Variants in STAT5B observed in about 807,000 individuals in gnomAD.
STAT5B encodes transcription factor STAT5B.
Under a neutral mutation model 107.8 loss-of-function variants are expected in STAT5B, and 21 were observed. That is an observed-to-expected ratio of 0.19 (90% CI 0.14 to 0.28). The LOEUF is 0.28. Among genes scored for constraint, STAT5B ranks in the 10% least tolerant of loss-of-function variants. The pLI, the probability that STAT5B is intolerant of heterozygous loss-of-function variation, is 1.00. For synonymous variants in STAT5B, 325 were observed against 401.7 expected (o/e 0.81, Z 2.28); for missense variants, 565 against 1,008.2 (o/e 0.56, Z 5.95).
intron 11 of STAT5B, among the ~76,000 whole-genome samples, chr17:42,216,605 T>C (rs1009607284): frequency 1.2e-4 from 19 of 152,124 alleles, no homozygotes; most frequent in African/African-American, 4.1e-4. Context: ...CTGGAACTCC[T>C]GAACTCAAGC....
intron 1 of STAT5B, chr17:42,234,249 G>C (rs930654199): frequency 6.6e-6 from 1 of 152,216 alleles, no homozygotes; most frequent in Non-Finnish European, 1.5e-5. Flanking sequence ...AGCCAACAAT[G>C]AGGTGTAGGG....
In STAT5B at chr17:42,217,298, A is replaced by G. The variant is rs1178936005; in HGVS notation, c.1258-16T>C. The G allele has an allele frequency of 8.1e-6, 13 of 1,614,120 alleles. No individual in the cohort carries two copies. The highest frequency in any genetic ancestry group is 1.0e-5 in the Non-Finnish European group (12 of 1,180,048). On this transcript the variant is annotated splice_polypyrimidine_tract_variant and intron_variant, in intron 10 of 18. Transcript: ENST00000293328. ...GTTTCAGGGACTACAAAGAAGAAAC[A>G]TAAGATGAAACGTAAGATATAAGTT...
chr17:42,229,403 G>A (rs1304561620), intron 2 of STAT5B, among the ~76,000 whole-genome samples: 1 of 151,686 alleles, frequency 6.6e-6, no homozygotes, highest in Non-Finnish European at 1.5e-5. Context: ...ACCCACCTCA[G>A]CCTCCCAAAG....
chr17:42,265,377 CTTTT>C (rs371149930), intron 1 of STAT5B, among the ~76,000 whole-genome samples: 2 of 110,596 alleles, frequency 1.8e-5, no homozygotes, highest in African/African-American at 7.2e-5. Flanking sequence ...ATGTACTCTT[CTTTT>C]TTTTTTTTGA....
At chr17:42,228,993 A>C (rs2144287002) in intron 2 of STAT5B, among the ~76,000 whole-genome samples, 1 of 152,204 alleles carries the variant, frequency 6.6e-6, no homozygotes, top group Middle Eastern at 3.4e-3. Context: ...CAAATAGTAC[A>C]CCCCAATCTG....
At chr17:42,222,031 G>T (rs1347611720) in intron 5 of STAT5B, among the ~76,000 whole-genome samples, 3 of 139,888 alleles carry the variant, frequency 2.1e-5, no homozygotes, top group African/African-American at 8.0e-5. Context: ...GGTGTGTGTG[G>T]TGTGGTGTGT....
rs928501659 is a variant in STAT5B at position 42,252,660 on chromosome 17, G to A, written c.-10-20523C>T. Among the ~76,000 whole-genome samples the A allele has an allele frequency of 1.2e-4, 18 of 152,164 alleles. No individual in the cohort carries two copies. The East Asian group carries it at 1.7e-3, about 15-fold the overall frequency. ...TCTGAATCCTTATTACAGGAATAAT[G>A]GGAGTGAATCACACTTTATAGAAAC... On this transcript the variant is annotated intron_variant, in intron 1 of 18. Coordinates refer to ENST00000293328, the MANE Select transcript of STAT5B (RefSeq NM_012448.4).
intron 17 of STAT5B, 127 bp downstream of exon 17, chr17:42,202,630 G>C (rs2080054613): frequency 6.4e-7 from 1 of 1,551,356 alleles, no homozygotes; most frequent in African/African-American, 1.4e-5. Context: ...CCAAGCCCAG[G>C]TCCTTCCCCA....
At chr17:42,209,030 G>A (rs1268776771) in intron 15 of STAT5B, among the ~76,000 whole-genome samples, 5 of 144,902 alleles carry the variant, frequency 3.5e-5, no homozygotes, top group Admixed American at 2.8e-4. Context: ...ACCGCACCCA[G>A]CCTTTTTTTT....
At position 42,260,551 on chromosome 17, in the gene STAT5B, G is replaced by A. The variant is rs2080586023; in HGVS notation, c.-11+15697C>T. On this transcript the variant is annotated intron_variant, in intron 1 of 18. Coordinates refer to ENST00000293328, the MANE Select transcript of STAT5B (RefSeq NM_012448.4). ...GGCCTCCCAAGTAGCTGGGACTATAGGTGCACATCACCATGCCTAGCTAAT... is the reference window on the plus strand; with the variant it reads ...GGCCTCCCAAGTAGCTGGGACTATAAGTGCACATCACCATGCCTAGCTAAT... 2.0e-5 allele frequency among the ~76,000 whole-genome samples: 3 copies of A among 151,874 alleles called. No homozygotes were observed. In the South Asian group the frequency reaches 6.2e-4, roughly 32 times the overall value.
intron 16 of STAT5B, among the ~76,000 whole-genome samples, chr17:42,203,646 T>C (rs933444806): frequency 7.2e-5 from 11 of 152,096 alleles, no homozygotes; most frequent in Non-Finnish European, 1.5e-4. Flanking sequence ...TTTTCTTTTT[T>C]GACAGAGTCT....
At position 42,217,287 on chromosome 17, in the gene STAT5B, AAAGAAGAAACAT is replaced by A. The variant is rs1197864899; in HGVS notation, c.1258-17_1258-6del. On this transcript the variant is annotated splice_polypyrimidine_tract_variant and splice_region_variant and intron_variant, in intron 10 of 18. Coordinates refer to ENST00000293328, the MANE Select transcript of STAT5B (RefSeq NM_012448.4). ...CCTCTTAATTCGTTTCAGGGACTAC[AAAGAAGAAACAT>A]AAGATGAAACGTAAGATATAAGTTG... 1.9e-6 allele frequency: 3 copies of A among 1,614,102 alleles called. No homozygotes were observed. Among genetic ancestry groups the A allele is most frequent in the Non-Finnish European group, 2.5e-6 (3 of 1,180,052 alleles).
At chr17:42,203,194 G>GC (rs1272094196) in intron 16 of STAT5B, among the ~76,000 whole-genome samples, 1 of 151,956 alleles carries the variant, frequency 6.6e-6, no homozygotes, top group Admixed American at 6.6e-5. Flanking sequence ...GCCCACCTTG[G>GC]CCCCCCAAGG....
At position 42,218,334 on chromosome 17, in the gene STAT5B, C is replaced by T. The variant is rs1240229520; in HGVS notation, c.990-4G>A. 20 of 1,612,002 alleles carry T rather than the reference C, an allele frequency of 1.2e-5. No homozygotes were observed. The highest frequency in any genetic ancestry group is 1.7e-5 in the Non-Finnish European group (20 of 1,179,078). On this transcript the variant is annotated splice_region_variant and splice_polypyrimidine_tract_variant and intron_variant, in intron 8 of 18. Coordinates refer to ENST00000293328, the MANE Select transcript of STAT5B (RefSeq NM_012448.4). ...CTGCTTCTCAATGATGAACGTGCTGCAGGGGACACAGGGACAGATGCATGA... is the reference window on the plus strand; with the variant it reads ...CTGCTTCTCAATGATGAACGTGCTGTAGGGGACACAGGGACAGATGCATGA...
chr17:42,203,640 C>CT (rs1296863032), intron 16 of STAT5B, among the ~76,000 whole-genome samples: 2 of 151,290 alleles, frequency 1.3e-5, no homozygotes, highest in Non-Finnish European at 3.0e-5. Context: ...TCTTTTTTTT[C>CT]TTTTTTGACA....
intron 17 of STAT5B, 56 bp from the exon 18 acceptor site, chr17:42,202,503 T>G: frequency 6.3e-7 from 1 of 1,594,250 alleles, no homozygotes; most frequent in Non-Finnish European, 8.6e-7. Context: ...GCAGCTGACT[T>G]GGGGAGGGGA....
chr17:42,245,199 T>C (rs1170613780), intron 1 of STAT5B, among the ~76,000 whole-genome samples: 4 of 149,610 alleles, frequency 2.7e-5, no homozygotes, highest in Admixed American at 2.0e-4. Context: ...TGCCTCAGCC[T>C]CCCGAATAGC....
intron 1 of STAT5B, among the ~76,000 whole-genome samples, chr17:42,272,918 C>A (rs768835841): frequency 6.6e-6 from 1 of 152,150 alleles, no homozygotes; most frequent in Non-Finnish European, 1.5e-5. Context: ...GTAAATTGCT[C>A]TTCTCTTTTG....
At chr17:42,210,716 C>A in intron 13 of STAT5B, 1 of 539,328 alleles carries the variant, frequency 1.9e-6, no homozygotes, top group Non-Finnish European at 3.4e-6. Context: ...ACCCAGTGGG[C>A]TCCTGCTACA....
Sources: allele counts gnomAD v4.1 joint callset (sites outside exome capture counted in the v4.1 genomes callset), GRCh38; gene constraint gnomAD v4.1.1; transcripts MANE v1.5; gene names NCBI Gene and HGNC (gene_info 2026-07-23, HGNC 2026-07-21).